Variants in EIF4EBP1 observed in about 807,000 individuals in gnomAD.
The protein encoded by EIF4EBP1 is eukaryotic translation initiation factor 4E binding protein 1.
Under a neutral mutation model 9.2 loss-of-function variants are expected in EIF4EBP1, and 5 were observed. That is an observed-to-expected ratio of 0.54 (90% confidence interval 0.28 to 1.14). The LOEUF (loss-of-function observed/expected upper bound fraction) is 1.14. EIF4EBP1 is among the 50% of genes most tolerant of loss of function. The probability of loss-of-function intolerance (pLI) is 0.09; values close to 1 mark genes in which losing one functional copy is unlikely to be tolerated. For synonymous variants in EIF4EBP1, 62 were observed against 67.0 expected (o/e 0.93, Z 0.36); for missense variants, 139 against 169.6 (o/e 0.82, Z 1.00).
At chr8:38,031,661 T>C (rs948648605) in intron 1 of EIF4EBP1, among the ~76,000 whole-genome samples, 15 of 152,186 alleles carry the variant, frequency 9.9e-5, no homozygotes, top group Non-Finnish European at 4.4e-5. Flanking sequence ...CTTGGCTAGG[T>C]GGCGGGCGGG....
chr8:38,050,100 C>T (rs147656424), intron 1 of EIF4EBP1, among the ~76,000 whole-genome samples: 1,892 of 151,258 alleles, frequency 0.013, 38 homozygotes, highest in African/African-American at 0.043. Flanking sequence ...TTAGTAGAGA[C>T]GGGGTTTCAC....
Position 38,060,299 on chromosome 8 carries a change from G to C in EIF4EBP1, c.*364G>C, listed in dbSNP as rs1371566857. 3.0e-6 allele frequency: 1 copy of C among 337,994 alleles called. No homozygotes were observed. Among genetic ancestry groups the C allele is most frequent in the African/African-American group, 2.1e-5 (1 of 47,520 alleles). 20.9% of individuals were successfully genotyped at this position (337,994 alleles called of 1,614,324 possible). On this transcript the variant is annotated 3_prime_UTR_variant, in exon 3 of 3. Coordinates refer to ENST00000338825, the MANE Select transcript of EIF4EBP1 (RefSeq NM_004095.4). ...ACCCCTTCCTTAGGTTGATGTGCTTGGGAAAGCTCCCTCCCCCTCCTTCCC... is the reference window on the plus strand; with the variant it reads ...ACCCCTTCCTTAGGTTGATGTGCTTCGGAAAGCTCCCTCCCCCTCCTTCCC...
intron 1 of EIF4EBP1, among the ~76,000 whole-genome samples, chr8:38,033,621 C>G (rs1484165087): frequency 6.6e-6 from 1 of 152,036 alleles, no homozygotes; most frequent in African/African-American, 2.4e-5. Context: ...CAGGAAAAAC[C>G]ATTGGAGTAA....
At chr8:38,040,319 T>C (rs1809359574) in intron 1 of EIF4EBP1, among the ~76,000 whole-genome samples, 1 of 152,190 alleles carries the variant, frequency 6.6e-6, no homozygotes, top group Non-Finnish European at 1.5e-5. Context: ...GACATTTGGG[T>C]ATGCACAGCA....
rs1246901707 is a variant in EIF4EBP1, at chr8:38,050,219, T to C, written c.146-6862T>C. Among the ~76,000 whole-genome samples, 3 of 152,294 alleles carry C rather than the reference T, an allele frequency of 2.0e-5. No homozygotes were observed. In the East Asian group the frequency reaches 5.8e-4, roughly 29 times the overall value. On this transcript the variant is annotated intron_variant, in intron 1 of 2. Transcript: ENST00000338825. The stretch of plus-strand genomic sequence containing the variant: ...GAACCACTGCACCCGGCCTCTTTTG[T>C]TTTTCTTTAAGATTTTCTGCTTCCT...
chr8:38,036,491 A>AT (rs779647154), intron 1 of EIF4EBP1, among the ~76,000 whole-genome samples: 1 of 152,138 alleles, frequency 6.6e-6, no homozygotes, highest in Non-Finnish European at 1.5e-5. Flanking sequence ...AGAGAGTTTG[A>AT]TTTTTTTGCT....
intron 1 of EIF4EBP1, among the ~76,000 whole-genome samples, chr8:38,046,583 C>G (rs1809452014): frequency 6.6e-6 from 1 of 152,122 alleles, no homozygotes; most frequent in Non-Finnish European, 1.5e-5. Context: ...ATTATGTCAC[C>G]TGGACCCTGC....
At chr8:38,041,276 A>G (rs1809375722) in intron 1 of EIF4EBP1, among the ~76,000 whole-genome samples, 1 of 151,748 alleles carries the variant, frequency 6.6e-6, no homozygotes, top group South Asian at 2.1e-4. Context: ...TAATTTTTGT[A>G]TTTTTAGTAG....
At chr8:38,040,250 ATTTACCTG>A (rs1429024316) in intron 1 of EIF4EBP1, among the ~76,000 whole-genome samples, 1 of 152,152 alleles carries the variant, frequency 6.6e-6, no homozygotes, top group Non-Finnish European at 1.5e-5. Context: ...GATGCTGTTT[ATTTACCTG>A]TTTGCATCCA....
At chr8:38,056,323 C>T (rs1809594198) in intron 1 of EIF4EBP1, among the ~76,000 whole-genome samples, 1 of 152,186 alleles carries the variant, frequency 6.6e-6, no homozygotes. Context: ...CTGGTTGAAT[C>T]ACAAGTATTT....
chr8:38,039,055 G>T (rs1388345597), intron 1 of EIF4EBP1, among the ~76,000 whole-genome samples: 1 of 151,818 alleles, frequency 6.6e-6, no homozygotes, highest in African/African-American at 2.4e-5. Flanking sequence ...ACCACACCCA[G>T]CTAATTTTGT....
chr8:38,044,667 T>TG (rs1809428168), intron 1 of EIF4EBP1, among the ~76,000 whole-genome samples: 1 of 152,224 alleles, frequency 6.6e-6, no homozygotes. Context: ...CTCAAACTCC[T>TG]GGCCTCAAGC....
rs1328299736 is a variant in EIF4EBP1, at chr8:38,030,568, G to C, written c.-6G>C. 2 of 1,514,196 alleles carry C rather than the reference G, an allele frequency of 1.3e-6. No homozygotes were observed. The highest frequency in any genetic ancestry group is 1.8e-6 in the Non-Finnish European group (2 of 1,137,746). The allele number at this position is 1,514,196 out of a possible 1,614,324, so 93.8% of individuals were successfully genotyped here. ...AGAGGTTCGCGGGTGCAGCGCACAGGAGACCATGTCCGGGGGCAGCAGCTG... is the reference window on the plus strand; with the variant it reads ...AGAGGTTCGCGGGTGCAGCGCACAGCAGACCATGTCCGGGGGCAGCAGCTG... On this transcript the variant is annotated 5_prime_UTR_variant, in exon 1 of 3. Transcript: ENST00000338825.
At chr8:38,038,665 G>A (rs1469233222) in intron 1 of EIF4EBP1, among the ~76,000 whole-genome samples, 1 of 151,776 alleles carries the variant, frequency 6.6e-6, no homozygotes, top group Admixed American at 6.6e-5. Context: ...ACCACGCCCA[G>A]CCTAGAAATT....
intron 1 of EIF4EBP1, among the ~76,000 whole-genome samples, chr8:38,050,242 C>G (rs1809501689): frequency 6.6e-6 from 1 of 152,038 alleles, no homozygotes; most frequent in African/African-American, 2.4e-5. Flanking sequence ...TTTTCTGCTT[C>G]CTTTATTACC....
Position 38,042,184 on chromosome 8 carries a change from A to T in EIF4EBP1, c.145+11466A>T, listed in dbSNP as rs28377666. On this transcript the variant is annotated intron_variant, in intron 1 of 2. Coordinates refer to ENST00000338825, the MANE Select transcript of EIF4EBP1 (RefSeq NM_004095.4). The stretch of plus-strand genomic sequence containing the variant: ...CCACACCTGCCCTGCCCTACCCAGC[A>T]CTACCATGTGAATATCCTTAATTTT... 9.9e-5 allele frequency among the ~76,000 whole-genome samples: 15 copies of T among 152,010 alleles called. 1 individual carries two copies. Among genetic ancestry groups the T allele is most frequent in the Non-Finnish European group, 7.4e-5 (5 of 68,014 alleles).
At chr8:38,046,413 T>C (rs1307867634) in intron 1 of EIF4EBP1, among the ~76,000 whole-genome samples, 1 of 152,192 alleles carries the variant, frequency 6.6e-6, no homozygotes, top group African/African-American at 2.4e-5. Context: ...TGCTGAAGTT[T>C]ATGATGGTTC....
In EIF4EBP1 at chr8:38,060,078, T is replaced by G. The variant is rs1004395543; in HGVS notation, c.*143T>G. On this transcript the variant is annotated 3_prime_UTR_variant, in exon 3 of 3. Transcript: ENST00000338825. Reference sequence around the variant, plus strand: ...GACACCCCAGCCCTTTCTCCCTCACTCAGGGCACCTGCCCCCTCCTCTTCG... The same window carrying G: ...GACACCCCAGCCCTTTCTCCCTCACGCAGGGCACCTGCCCCCTCCTCTTCG... 1.3e-6 allele frequency: 1 copy of G among 777,222 alleles called. No homozygotes were observed. The allele number at this position is 777,222 out of a possible 1,614,324, so 48.1% of individuals were successfully genotyped here. A position where few individuals can be genotyped will look rare whatever the true frequency, so the allele number is the denominator to read the frequency against.
Position 38,036,376 on chromosome 8 carries a change from G to A in EIF4EBP1, c.145+5658G>A, listed in dbSNP as rs550059048. On this transcript the variant is annotated intron_variant, in intron 1 of 2. Coordinates refer to ENST00000338825, the MANE Select transcript of EIF4EBP1 (RefSeq NM_004095.4). ...ATACAAAAAAAAATTAGCCGGGCCT[G>A]GTGGCAGGCGCCTGTAATCCCAGCT... 2.6e-5 allele frequency among the ~76,000 whole-genome samples: 4 copies of A among 152,200 alleles called. 1 individual carries two copies. In the South Asian group the frequency reaches 8.3e-4, roughly 32 times the overall value.
Sources: gnomAD v4.1 joint callset for allele counts (sites outside exome capture counted in the v4.1 genomes callset) on GRCh38, gnomAD v4.1.1 for gene constraint, MANE v1.5 for transcripts, NCBI Gene and HGNC (gene_info 2026-07-23, HGNC 2026-07-21) for gene names.